DAB1: variants seen among roughly 807,000 people sequenced by gnomAD.
The protein encoded by DAB1 is disabled homolog 1.
Under a neutral mutation model 64.6 loss-of-function variants are expected in DAB1, and 15 were observed. That is an observed-to-expected ratio of 0.23 (90% CI 0.16 to 0.36). The LOEUF (loss-of-function observed/expected upper bound fraction) is 0.36, where lower values mean the gene tolerates loss of function less well. Among genes scored for constraint, DAB1 ranks in the 10% least tolerant of loss-of-function variants. The pLI, the probability that DAB1 is intolerant of heterozygous loss-of-function variation, is 1.00. For missense variants in DAB1, 596 were observed against 706.7 expected (o/e 0.84, Z 1.78); for synonymous variants, 235 against 251.9 (o/e 0.93, Z 0.64).
At position 57,049,050 on chromosome 1, in the gene DAB1, A is replaced by G. The variant is rs115699894; in HGVS notation, c.723+13834T>C. On this transcript the variant is annotated intron_variant, in intron 9 of 14. Coordinates refer to ENST00000371236, the MANE Select transcript of DAB1 (RefSeq NM_001365792.1). ...TCAACGTTGCAAGAAAAAGAGCCAG[A>G]TATCATTCAGAGTGATAATGTGACA... 4.1e-3 allele frequency among the ~76,000 whole-genome samples: 623 copies of G among 152,300 alleles called. 2 individuals carry two copies. The highest frequency in any genetic ancestry group is 0.014 in the African/African-American group (590 of 41,552).
chr1:57,380,296 T>C (rs555645748), intron 1 of DAB1, among the ~76,000 whole-genome samples: 1 of 152,306 alleles, frequency 6.6e-6, no homozygotes, highest in Non-Finnish European at 1.5e-5. Flanking sequence ...AAAACTGATA[T>C]GGTGTTGTTA....
chr1:57,178,088 A>G (rs1248580793), intron 2 of DAB1, among the ~76,000 whole-genome samples: 2 of 152,216 alleles, frequency 1.3e-5, no homozygotes, highest in African/African-American at 4.8e-5. Context: ...ACCATATAAA[A>G]GTTCAAAAGT....
In DAB1 at chr1:57,371,640, A is replaced by T. The variant is rs146036184; in HGVS notation, c.-137+52290T>A. On this transcript the variant is annotated intron_variant, in intron 1 of 14. Transcript: ENST00000371236. ...CAAAACTCACAGCCCTGCTCTCAGG[A>T]CTCACTCTACAGGGGAAGTCAATAT... Among the ~76,000 whole-genome samples, 5 of 152,266 alleles carry T rather than the reference A, an allele frequency of 3.3e-5. No individual in the cohort carries two copies. The East Asian group carries it at 9.7e-4, about 29-fold the overall frequency.
At chr1:57,989,828 A>G (rs1456531355) in intron 5 of DAB1, among the ~76,000 whole-genome samples, 1 of 152,178 alleles carries the variant, frequency 6.6e-6, no homozygotes, top group African/African-American at 2.4e-5. Flanking sequence ...CCACCTCAAG[A>G]ACATGACCCC....
At chr1:57,467,267 T>G (rs1477722251) in intron 7 of DAB1, among the ~76,000 whole-genome samples, 1 of 152,180 alleles carries the variant, frequency 6.6e-6, no homozygotes, top group African/African-American at 2.4e-5. Context: ...GAATCTAAGA[T>G]GAAAAACATT....
chr1:57,578,988 G>C (rs770133152), intron 7 of DAB1, among the ~76,000 whole-genome samples: 25 of 152,148 alleles, frequency 1.6e-4, no homozygotes, highest in Non-Finnish European at 3.1e-4. Context: ...CAGCTACTTT[G>C]GATGAATTGG....
chr1:57,423,472 G>T (rs1002069627), intron 1 of DAB1, among the ~76,000 whole-genome samples: 3 of 152,008 alleles, frequency 2.0e-5, no homozygotes, highest in Non-Finnish European at 4.4e-5. Context: ...GGGTTCGGCC[G>T]AATGAGGAAA....
At chr1:58,032,565 A>T (rs1360939524) in intron 5 of DAB1, among the ~76,000 whole-genome samples, 1 of 152,274 alleles carries the variant, frequency 6.6e-6, no homozygotes, top group East Asian at 1.9e-4. Flanking sequence ...TGTCTATCCC[A>T]TCTAATCCCC....
At chr1:57,339,086 G>T (rs1374751376) in intron 1 of DAB1, among the ~76,000 whole-genome samples, 1 of 151,400 alleles carries the variant, frequency 6.6e-6, no homozygotes, top group Non-Finnish European at 1.5e-5. Context: ...TTACTGTAAT[G>T]TTACTGCTCA....
chr1:57,948,286 A>G (rs1460152377), intron 5 of DAB1, among the ~76,000 whole-genome samples: 1 of 152,252 alleles, frequency 6.6e-6, no homozygotes, highest in Non-Finnish European at 1.5e-5. Context: ...ACTGGAAAAA[A>G]TAAGTCTAAA....
intron 6 of DAB1, among the ~76,000 whole-genome samples, chr1:57,791,401 G>T (rs1281745635): frequency 1.3e-5 from 2 of 152,028 alleles, no homozygotes; most frequent in South Asian, 2.1e-4. Flanking sequence ...GCTCCTACCA[G>T]TTACTAGGCT....
intron 6 of DAB1, among the ~76,000 whole-genome samples, chr1:57,764,195 T>G (rs1416996305): frequency 2.0e-5 from 3 of 152,162 alleles, no homozygotes; most frequent in Non-Finnish European, 2.9e-5. Context: ...CATAGCAACA[T>G]TTCAGTTCTA....
At chr1:57,145,606 T>G (rs886547307) in intron 2 of DAB1, among the ~76,000 whole-genome samples, 177 bp from the exon 3 acceptor site, 2 of 152,198 alleles carry the variant, frequency 1.3e-5, no homozygotes, top group African/African-American at 4.8e-5. Context: ...TCCATCCATT[T>G]AAGTCCTGAG....
At chr1:57,747,958 G>A (rs11587809) in intron 6 of DAB1, among the ~76,000 whole-genome samples, 2 of 151,926 alleles carry the variant, frequency 1.3e-5, no homozygotes, top group Middle Eastern at 3.2e-3. Flanking sequence ...GTCTGCTATA[G>A]AAGGAAAGAG....
chr1:57,607,760 GAC>G (rs543516918), intron 7 of DAB1, among the ~76,000 whole-genome samples: 66 of 152,262 alleles, frequency 4.3e-4, no homozygotes, highest in African/African-American at 1.4e-3. Context: ...CTAACAAAAA[GAC>G]AGAGGGGATA....
At chr1:58,400,518 A>G (rs1012241892) in intron 3 of DAB1, among the ~76,000 whole-genome samples, 13 of 152,182 alleles carry the variant, frequency 8.5e-5, no homozygotes, top group Admixed American at 7.2e-4. Flanking sequence ...CCCCTAAAGA[A>G]TGGAAGTTTA....
At chr1:57,849,227 G>A (rs900620674) in intron 1 of DAB1, among the ~76,000 whole-genome samples, 2 of 152,164 alleles carry the variant, frequency 1.3e-5, no homozygotes, top group Admixed American at 1.3e-4. Flanking sequence ...GGCCAGAGTA[G>A]CACTGAGTCA....
At chr1:57,944,621 A>C (rs1026961926) in intron 5 of DAB1, among the ~76,000 whole-genome samples, 1 of 152,192 alleles carries the variant, frequency 6.6e-6, no homozygotes, top group African/African-American at 2.4e-5. Context: ...CTCCAAAAAA[A>C]AGTTCCATGG....
intron 5 of DAB1, among the ~76,000 whole-genome samples, chr1:58,074,645 G>C (rs1649530133): frequency 1.4e-5 from 2 of 145,354 alleles, no homozygotes; most frequent in Non-Finnish European, 3.0e-5. Flanking sequence ...GCTTGTAACA[G>C]CAAGGCAACG....
Sources: allele counts gnomAD v4.1 joint callset (sites outside exome capture counted in the v4.1 genomes callset), GRCh38; gene constraint gnomAD v4.1.1; transcripts MANE v1.5; gene names NCBI Gene and HGNC (gene_info 2026-07-23, HGNC 2026-07-21).